The following SCIN variants were observed in gnomAD, a reference collection of about 807,000 sequenced individuals.
SCIN encodes the protein adseverin.
A neutral mutation model predicts 91.8 loss-of-function variants in SCIN; 91 were observed. The ratio of observed to expected loss-of-function variants is 0.99; its 90% CI spans 0.84 to 1.18. The LOEUF (loss-of-function observed/expected upper bound fraction) is 1.18. SCIN is among the 50% of genes most tolerant of loss of function. The probability of loss-of-function intolerance (pLI) is 0.00; values close to 1 mark genes in which losing one functional copy is unlikely to be tolerated. For synonymous variants in SCIN, 367 were observed against 312.6 expected, an observed-to-expected ratio of 1.17 and a Z score of -1.84; for missense variants, 1,087 against 863.9, an observed-to-expected ratio of 1.26 and a Z score of -3.24.
At chr7:12,592,905 G>A (rs575858682) in intron 3 of SCIN, among the ~76,000 whole-genome samples, 14 of 152,286 alleles carry the variant, frequency 9.2e-5, no homozygotes, top group South Asian at 2.1e-4. Flanking sequence ...CCTGGGCTCC[G>A]ATGCAGTGAT....
rs1783525997 is a variant in SCIN at position 12,626,595 on chromosome 7, TC to T, written c.995del (p.Pro332GlnfsTer37). On this transcript the variant is annotated frameshift_variant, in exon 8 of 16. Transcript: ENST00000297029. LOFTEE classifies it high-confidence loss of function. Reference sequence around the variant, plus strand: ...ATTTTAAATTTCAGATTCAAGTTCTTCCAGAAGGAGGTGAAACACCAATCTT... The same window carrying T: ...ATTTTAAATTTCAGATTCAAGTTCTTCAGAAGGAGGTGAAACACCAATCTT... ...YSKNTQIQVL[P>X]EGGETPIFKQ... is the part of the protein sequence containing the mutation. The T allele has an allele frequency of 6.5e-7, 1 of 1,546,022 alleles. No individual in the cohort carries two copies. Among genetic ancestry groups the T allele is most frequent in the Non-Finnish European group, 8.7e-7 (1 of 1,143,320 alleles).
chr7:12,598,542 G>C lies in SCIN; in HGVS notation c.517-5972G>C, dbSNP rs866335145. Among the ~76,000 whole-genome samples the C allele has an allele frequency of 2.9e-4, 44 of 152,088 alleles. No individual in the cohort carries two copies. The South Asian group carries it at 9.2e-3, about 32-fold the overall frequency. ...GAAATACTAAAATTGTGTTTTTAAA[G>C]CAAGTTTTAATGTACTGCTGCCACC... is the stretch of plus-strand genomic sequence containing the variant. On this transcript the variant is annotated intron_variant, in intron 3 of 15. Coordinates refer to ENST00000297029, the MANE Select transcript of SCIN (RefSeq NM_001112706.3).
rs1474578840 is a variant in SCIN at position 12,651,326 on chromosome 7, G to A, written c.1960-515G>A. On this transcript the variant is annotated intron_variant, in intron 14 of 15. Coordinates refer to ENST00000297029, the MANE Select transcript of SCIN (RefSeq NM_001112706.3). The surrounding 1 kb of genome is among the most constrained non-coding windows in gnomAD (Gnocchi z 5.9). ...TCTTCCCTAGATCCCGAAAAGGGAG[G>A]GCCTCAAAGAAAGTCCGGCTGCACC... Among the ~76,000 whole-genome samples, 2 of 152,106 alleles carry A rather than the reference G, an allele frequency of 1.3e-5. No homozygotes were observed. The highest frequency in any genetic ancestry group is 2.9e-5 in the Non-Finnish European group (2 of 68,020).
At chr7:12,586,841 C>T (rs1239115258) in intron 3 of SCIN, among the ~76,000 whole-genome samples, 1 of 152,072 alleles carries the variant, frequency 6.6e-6, no homozygotes, top group Non-Finnish European at 1.5e-5. Flanking sequence ...AAGATAAATA[C>T]TTCATCTTCT....
chr7:12,592,159 G>A (rs944361461), intron 3 of SCIN, among the ~76,000 whole-genome samples: 1 of 152,144 alleles, frequency 6.6e-6, no homozygotes, highest in African/African-American at 2.4e-5. Flanking sequence ...GGGAATCAGG[G>A]TGTAGGGAAA....
At position 12,578,068 on chromosome 7, in the gene SCIN, G is replaced by A. The variant is rs1249883346; in HGVS notation, c.204G>A (p.Lys68=). 4.5e-6 allele frequency: 7 copies of A among 1,542,098 alleles called. No homozygotes were observed. The highest frequency in any genetic ancestry group is 4.1e-5 in the African/African-American group (3 of 72,568). ...FTYHLHFWLG[K]ECSQDESTAA... Reference sequence around the variant, plus strand: ...TGCTGTTGTTCACTGTTTTAGGAAAGGAGTGTTCCCAGGATGAAAGCACAG... The same window carrying A: ...TGCTGTTGTTCACTGTTTTAGGAAAAGAGTGTTCCCAGGATGAAAGCACAG... Residue 68 remains lysine, a synonymous_variant, in exon 2 of 16, where the codon AAG becomes AAA. Coordinates refer to ENST00000297029, the MANE Select transcript of SCIN (RefSeq NM_001112706.3).
At chr7:12,637,217 C>T (rs934535803) in intron 10 of SCIN, among the ~76,000 whole-genome samples, 2 of 152,160 alleles carry the variant, frequency 1.3e-5, no homozygotes, top group African/African-American at 2.4e-5. Context: ...ATAAATACAA[C>T]AGTGCAGAAC....
intron 3 of SCIN, among the ~76,000 whole-genome samples, chr7:12,601,484 A>G (rs1278221255): frequency 6.6e-6 from 1 of 152,212 alleles, no homozygotes; most frequent in Non-Finnish European, 1.5e-5. Context: ...CCACAACTCT[A>G]CATGGTTGAC....
Position 12,570,907 on chromosome 7 carries a change from T to G in SCIN, c.121T>G (p.Tyr41Asp). ...PVPQSAHGDF[Y>D]VGDAYLVLHT... ...GCCCCAGAGCGCTCACGGCGACTTCTACGTCGGGGATGCCTACCTGGTGCT... is the reference window on the plus strand; with the variant it reads ...GCCCCAGAGCGCTCACGGCGACTTCGACGTCGGGGATGCCTACCTGGTGCT... Residue 41 changes from tyrosine (Y) to aspartate (D), a missense_variant, in exon 1 of 16, where the codon TAC becomes GAC. By Grantham distance (160) the Tyr-to-Asp change is radical. Transcript: ENST00000297029. 1 of 1,551,582 alleles carries G rather than the reference T, an allele frequency of 6.4e-7. No homozygotes were observed. Among genetic ancestry groups the G allele is most frequent in the East Asian group, 2.4e-5 (1 of 40,872 alleles).
intron 3 of SCIN, among the ~76,000 whole-genome samples, chr7:12,590,840 T>A (rs1373367577): frequency 1.3e-5 from 2 of 151,754 alleles, no homozygotes; most frequent in Non-Finnish European, 2.9e-5. Flanking sequence ...CAGTAAGGAG[T>A]CCTCTCTTTT....
At chr7:12,613,534 C>T (rs2115261061) in intron 4 of SCIN, among the ~76,000 whole-genome samples, 1 of 152,170 alleles carries the variant, frequency 6.6e-6, no homozygotes, top group East Asian at 1.9e-4. Flanking sequence ...GAAATATGCT[C>T]ACATATTGGA....
At chr7:12,608,214 A>G (rs1300162913) in intron 4 of SCIN, among the ~76,000 whole-genome samples, 1 of 152,140 alleles carries the variant, frequency 6.6e-6, no homozygotes, top group Non-Finnish European at 1.5e-5. Context: ...TATTTCCATT[A>G]TAATACTTTG....
In SCIN at chr7:12,581,057, C is replaced by A. The variant is rs149438846; in HGVS notation, c.355-3C>A. 9.0e-5 allele frequency: 140 copies of A among 1,549,606 alleles called. No homozygotes were observed. The East Asian group carries it at 3.0e-3, about 34-fold the overall frequency. The stretch of plus-strand genomic sequence containing the variant: ...TGTGTGTCTGTCTTCCCTCATTCAT[C>A]AGGCTGGAGGCGTGGCATCTGGATT... On this transcript the variant is annotated splice_region_variant and splice_polypyrimidine_tract_variant and intron_variant, in intron 2 of 15. Coordinates refer to ENST00000297029, the MANE Select transcript of SCIN (RefSeq NM_001112706.3).
intron 10 of SCIN, 45 bp from the exon 11 acceptor site, chr7:12,640,302 A>C (rs369601195): frequency 1.4e-6 from 2 of 1,446,276 alleles, no homozygotes; most frequent in Non-Finnish European, 1.8e-6. Context: ...CTTCTTTCAC[A>C]GCACTCTTAA....
At chr7:12,650,912 TG>T (rs1420039677) in intron 14 of SCIN, among the ~76,000 whole-genome samples, 2 of 152,178 alleles carry the variant, frequency 1.3e-5, no homozygotes, top group African/African-American at 4.8e-5. Flanking sequence ...GGTCTACATG[TG>T]GTCTCTTCCA....
At position 12,651,984 on chromosome 7, in the gene SCIN, T is replaced by G; in HGVS notation, c.2020+83T>G. 1 of 865,274 alleles carries G rather than the reference T, an allele frequency of 1.2e-6. No individual in the cohort carries two copies. 53.6% of individuals were successfully genotyped at this position (865,274 alleles called of 1,614,324 possible). ...CTGGCTTGCTCTTTGCCACCATGTC[T>G]TACAAAAATACATTTCAAAATCAAG... On this transcript the variant is annotated intron_variant, in intron 15 of 15. Transcript: ENST00000297029. The surrounding 1 kb of genome is among the most constrained non-coding windows in gnomAD (Gnocchi z 5.9).
At chr7:12,629,005 A>T in intron 8 of SCIN, 96 bp from the exon 9 acceptor site, 2 of 1,046,828 alleles carry the variant, frequency 1.9e-6, no homozygotes, top group Non-Finnish European at 2.7e-6. Flanking sequence ...AAAGTTGTTT[A>T]ATAATGGATT....
intron 3 of SCIN, among the ~76,000 whole-genome samples, chr7:12,582,582 A>G (rs750749039): frequency 3.3e-5 from 5 of 152,122 alleles, no homozygotes; most frequent in Non-Finnish European, 5.9e-5. Context: ...ACACGTAGAC[A>G]TCTACACCCT....
intron 4 of SCIN, among the ~76,000 whole-genome samples, chr7:12,607,314 C>T (rs961100319): frequency 5.3e-4 from 80 of 152,204 alleles, no homozygotes; most frequent in African/African-American, 1.8e-3. Context: ...TCATTTGCCA[C>T]TTGTAGTCTG....
Sources: gnomAD v4.1 joint callset for allele counts (sites outside exome capture counted in the v4.1 genomes callset) on GRCh38, gnomAD v4.1.1 for gene constraint, Gnocchi (gnomAD v3.1) non-coding constraint, MANE v1.5 for transcripts, NCBI Gene and HGNC (gene_info 2026-07-23, HGNC 2026-07-21) for gene names.